ADAMTS20: variants seen among roughly 807,000 people sequenced by gnomAD.
The protein encoded by ADAMTS20 is A disintegrin and metalloproteinase with thrombospondin motifs 20.
In ADAMTS20, 225 loss-of-function variants were observed where a neutral mutation model predicts 260.1. The observed-to-expected ratio is 0.87, with a 90% CI of 0.78 to 0.97. The LOEUF is 0.97. Among genes scored for constraint, ADAMTS20 ranks in the 50% least tolerant of loss-of-function variants. ADAMTS20 has a pLI of 0.00. For missense variants in ADAMTS20, 2,400 were observed against 2,337.7 expected (o/e 1.03, Z -0.55); for synonymous variants, 802 against 769.5 (o/e 1.04, Z -0.70).
intron 3 of ADAMTS20, among the ~76,000 whole-genome samples, chr12:43,516,166 C>A (rs1942997397): frequency 6.6e-6 from 1 of 152,066 alleles, no homozygotes. Flanking sequence ...GGTGATGGCT[C>A]CAACTCACTC....
rs1943515822 is a variant in ADAMTS20 at position 43,551,465 on chromosome 12, C to T, written c.92-195G>A. ...CGGTTAGTGCTCTGCTTTCCCACAC[C>T]CCCAACTTGCCCTACCCTCCCCAAG... On this transcript the variant is annotated intron_variant, in intron 1 of 38. Coordinates refer to ENST00000389420, the MANE Select transcript of ADAMTS20 (RefSeq NM_025003.5). The surrounding 1 kb of genome is among the most constrained non-coding windows in gnomAD (Gnocchi z 4.6). 6.6e-6 allele frequency among the ~76,000 whole-genome samples: 1 copy of T among 152,090 alleles called. No individual in the cohort carries two copies. The highest frequency in any genetic ancestry group is 1.5e-5 in the Non-Finnish European group (1 of 68,022).
At chr12:43,451,048 C>T (rs61926763) in intron 14 of ADAMTS20, among the ~76,000 whole-genome samples, 18,100 of 152,130 alleles carry the variant, frequency 0.12, 1,234 homozygotes, top group Admixed American at 0.21. Context: ...TCAGTGGATG[C>T]ATGGATTTAA....
chr12:43,376,576 T>G lies in ADAMTS20; in HGVS notation c.5073A>C (p.Leu1691Phe), dbSNP rs1370417932. 8 of 1,613,584 alleles carry G rather than the reference T, an allele frequency of 5.0e-6. No individual in the cohort carries two copies. Among genetic ancestry groups the G allele is most frequent in the African/African-American group, 1.3e-5 (1 of 74,934 alleles). The change falls in exon 33 of 39, where the codon TTA becomes TTC. Residue 1691 changes from leucine to phenylalanine, a missense_variant. Coordinates refer to ENST00000389420, the MANE Select transcript of ADAMTS20 (RefSeq NM_025003.5). ...CACCTGGTTTTAAATGGTTTAAACA[T>G]AAGTCACTGGACAAACCATGTTTGG... is the stretch of plus-strand genomic sequence containing the variant. ...CITKHGLSSD[L>F]CLNHLKPGAQ...
intron 28 of ADAMTS20, among the ~76,000 whole-genome samples, chr12:43,413,810 T>C (rs901242060): frequency 6.6e-6 from 1 of 152,192 alleles, no homozygotes; most frequent in Admixed American, 6.5e-5. Context: ...ACTTGATTGA[T>C]TGAGAAGAAA....
At chr12:43,432,497 A>G in intron 20 of ADAMTS20, 29 bp from the exon 21 acceptor site, 2 of 1,594,504 alleles carry the variant, frequency 1.3e-6, no homozygotes, top group Non-Finnish European at 8.5e-7. Context: ...GTGGTAACTA[A>G]TGGAAAAAAA....
intron 28 of ADAMTS20, among the ~76,000 whole-genome samples, chr12:43,403,196 T>C (rs977673023): frequency 6.6e-6 from 1 of 152,144 alleles, no homozygotes; most frequent in Non-Finnish European, 1.5e-5. Context: ...TACATAATTA[T>C]AGAATAAGAT....
At chr12:43,453,698 A>G (rs1941910885) in intron 12 of ADAMTS20, among the ~76,000 whole-genome samples, 2 of 151,886 alleles carry the variant, frequency 1.3e-5, no homozygotes, top group African/African-American at 4.8e-5. Flanking sequence ...ATCTCAGTTC[A>G]GATTATAAAA....
chr12:43,412,682 G>C (rs1270791445), intron 28 of ADAMTS20, among the ~76,000 whole-genome samples: 2 of 152,008 alleles, frequency 1.3e-5, no homozygotes, highest in African/African-American at 2.4e-5. Context: ...CATGAGTGAG[G>C]GAGGCATCAT....
At chr12:43,383,238 T>A (rs1940392931) in intron 31 of ADAMTS20, among the ~76,000 whole-genome samples, 1 of 152,212 alleles carries the variant, frequency 6.6e-6, no homozygotes, top group Non-Finnish European at 1.5e-5. Flanking sequence ...ATTTAGTTTA[T>A]GGTTCATCAA....
At chr12:43,445,706 G>C (rs1941747811) in intron 15 of ADAMTS20, among the ~76,000 whole-genome samples, 1 of 142,338 alleles carries the variant, frequency 7.0e-6, no homozygotes, top group Non-Finnish European at 1.5e-5. Context: ...ACACAAATTA[G>C]ATGGGCATGG....
intron 28 of ADAMTS20, 148 bp from the exon 29 acceptor site, chr12:43,399,381 T>G: frequency 1.5e-6 from 1 of 673,254 alleles, no homozygotes. Flanking sequence ...TAGTGAAAAG[T>G]TAAAAGTTAC....
At chr12:43,531,749 G>A (rs548019231) in intron 3 of ADAMTS20, among the ~76,000 whole-genome samples, 1 of 152,100 alleles carries the variant, frequency 6.6e-6, no homozygotes, top group South Asian at 2.1e-4. Flanking sequence ...GTGTATTCTT[G>A]AAAACTGCTA....
At chr12:43,521,434 A>G (rs1943070648) in intron 3 of ADAMTS20, among the ~76,000 whole-genome samples, 1 of 152,230 alleles carries the variant, frequency 6.6e-6, no homozygotes, top group Non-Finnish European at 1.5e-5. Flanking sequence ...AAAAAAATAT[A>G]AACGTCTCTT....
intron 29 of ADAMTS20, among the ~76,000 whole-genome samples, chr12:43,395,105 C>G (rs1014074067): frequency 9.2e-5 from 14 of 152,060 alleles, no homozygotes; most frequent in Admixed American, 9.2e-4. Flanking sequence ...AAAGGAGGAG[C>G]ATTAACAGAT....
chr12:43,401,728 G>T, intron 28 of ADAMTS20, among the ~76,000 whole-genome samples: 1 of 124,670 alleles, frequency 8.0e-6, no homozygotes, highest in African/African-American at 3.0e-5. Context: ...TAATTTATAA[G>T]TATATTTTTA....
chr12:43,399,614 T>C (rs532778440), intron 28 of ADAMTS20, among the ~76,000 whole-genome samples: 7 of 152,246 alleles, frequency 4.6e-5, no homozygotes, highest in Admixed American at 4.6e-4. Context: ...CCATTCTATT[T>C]TTATCTCCAC....
At chr12:43,540,877 T>C (rs1381082632) in intron 2 of ADAMTS20, among the ~76,000 whole-genome samples, 1 of 152,232 alleles carries the variant, frequency 6.6e-6, no homozygotes, top group Non-Finnish European at 1.5e-5. Context: ...TAAGTGACTA[T>C]AAAACTGGCT....
At chr12:43,510,462 A>G (rs1331448320) in intron 3 of ADAMTS20, among the ~76,000 whole-genome samples, 2 of 144,150 alleles carry the variant, frequency 1.4e-5, no homozygotes, top group African/African-American at 2.6e-5. Context: ...TTTTTTTTGT[A>G]TTTATACCTA....
In ADAMTS20 at chr12:43,488,580, G is replaced by T. The variant is rs111705309; in HGVS notation, c.1117+1815C>A. Reference sequence around the variant, plus strand: ...GACTGACATGTTTTGTAGCATTTCCGGGTAAATGAAAATTTTATTGGCATT... The same window carrying T: ...GACTGACATGTTTTGTAGCATTTCCTGGTAAATGAAAATTTTATTGGCATT... On this transcript the variant is annotated intron_variant, in intron 7 of 38. Transcript: ENST00000389420. Among the ~76,000 whole-genome samples the T allele has an allele frequency of 9.4e-3, 1,430 of 152,090 alleles. 8 individuals are homozygous for T. The highest frequency in any genetic ancestry group is 0.015 in the Non-Finnish European group (1,024 of 67,978).
Sources: allele counts gnomAD v4.1 joint callset (sites outside exome capture counted in the v4.1 genomes callset), GRCh38; gene constraint gnomAD v4.1.1; non-coding constraint Gnocchi (gnomAD v3.1); transcripts MANE v1.5; gene names NCBI Gene and HGNC (gene_info 2026-07-23, HGNC 2026-07-21).